ZFYVE28: variants seen among roughly 807,000 people sequenced by gnomAD.
ZFYVE28 encodes the protein lateral signaling target protein 2 homolog.
Under a neutral mutation model 82.1 loss-of-function variants are expected in ZFYVE28, and 40 were observed. The ratio of observed to expected loss-of-function variants is 0.49; its 90% CI spans 0.38 to 0.63. The LOEUF (loss-of-function observed/expected upper bound fraction) is 0.63, where lower values mean the gene tolerates loss of function less well. Ranked by LOEUF, ZFYVE28 falls within the 30% of genes least tolerant of loss-of-function variation. The pLI is 0.00. For synonymous variants in ZFYVE28, 612 were observed against 546.1 expected (o/e 1.12, Z -1.68); for missense variants, 1,321 against 1,242.1 (o/e 1.06, Z -0.96).
rs747613925 is a variant in ZFYVE28 at position 2,341,501 on chromosome 4, C to T, written c.295G>A (p.Gly99Ser). The T allele has an allele frequency of 1.7e-5, 28 of 1,613,578 alleles. No individual in the cohort carries two copies. The highest frequency in any genetic ancestry group is 3.3e-5 in the Admixed American group (2 of 59,998). ...ACCTCGGCACCGAACCACAGCTGGC[C>T]GGCCAGGTTGTCGTGCCGGATCTCC... is the stretch of plus-strand genomic sequence containing the variant. Reference protein sequence around the residue: ...PEEIRHDNLAGQLWFGAECLA... With the variant: ...PEEIRHDNLASQLWFGAECLA... Residue 99 changes from glycine to serine, a missense_variant, in exon 3 of 13, where the codon GGC (glycine) becomes AGC (serine). Gly to Ser is a moderately conservative substitution (Grantham distance 56, BLOSUM62 0). Transcript: ENST00000290974. The surrounding 1 kb of genome is among the most constrained non-coding windows in gnomAD (Gnocchi z 4.5).
chr4:2,308,032 T>G (rs2108826758), intron 7 of ZFYVE28, among the ~76,000 whole-genome samples: 1 of 152,342 alleles, frequency 6.6e-6, no homozygotes, highest in Admixed American at 6.5e-5. Flanking sequence ...GACTTTCTGT[T>G]CTATTGAATG....
intron 8 of ZFYVE28, among the ~76,000 whole-genome samples, chr4:2,296,845 G>A (rs942038506): frequency 5.9e-5 from 9 of 152,188 alleles, no homozygotes; most frequent in African/African-American, 1.2e-4. Flanking sequence ...CCCCGGATCC[G>A]GAGAGCCCCC....
At chr4:2,315,488 G>A (rs1197023007) in intron 7 of ZFYVE28, among the ~76,000 whole-genome samples, 4 of 152,114 alleles carry the variant, frequency 2.6e-5, no homozygotes, top group Admixed American at 1.3e-4. Context: ...CGGCCAGGCT[G>A]GTCTCCAACT....
chr4:2,408,530 C>A lies in ZFYVE28; in HGVS notation c.39+9755G>T, dbSNP rs916687744. Among the ~76,000 whole-genome samples the A allele has an allele frequency of 9.8e-5, 15 of 152,330 alleles. No individual in the cohort carries two copies. The highest frequency in any genetic ancestry group is 3.1e-4 in the African/African-American group (13 of 41,572). The stretch of plus-strand genomic sequence containing the variant: ...GCACCAGCCGGGGTGGACCAAAGGC[C>A]GCAGATGGTTCAGCTGGCTGACCCT... On this transcript the variant is annotated intron_variant, in intron 1 of 12. Coordinates refer to ENST00000290974, the MANE Select transcript of ZFYVE28 (RefSeq NM_020972.3). This position sits in a 1 kb window ranked among gnomAD's most constrained non-coding sequence, Gnocchi z 4.3.
In ZFYVE28 at chr4:2,341,592, G is replaced by A. The variant is rs1722815114; in HGVS notation, c.204C>T (p.Asn68=). The change falls in exon 3 of 13, where the codon AAC becomes AAT. Residue 68 remains asparagine (N), a synonymous_variant. Transcript: ENST00000290974. The surrounding 1 kb of genome is among the most constrained non-coding windows in gnomAD (Gnocchi z 4.5). ...SCQDNVLNII[N]QIMDECIPQD... Reference sequence around the variant, plus strand: ...GGGGGATGCACTCATCCATGATCTGGTTAATGATGTTCAACACATTGTCCT... The same window carrying A: ...GGGGGATGCACTCATCCATGATCTGATTAATGATGTTCAACACATTGTCCT... The A allele has an allele frequency of 6.2e-7, 1 of 1,612,236 alleles. No homozygotes were observed. Among genetic ancestry groups the A allele is most frequent in the Non-Finnish European group, 8.5e-7 (1 of 1,178,494 alleles).
At chr4:2,400,746 C>T (rs1378238637) in intron 1 of ZFYVE28, among the ~76,000 whole-genome samples, 1 of 152,092 alleles carries the variant, frequency 6.6e-6, no homozygotes, top group Non-Finnish European at 1.5e-5. Flanking sequence ...CCGGTCTCGC[C>T]CTTTCACGTT....
chr4:2,406,404 C>T (rs192137070), intron 1 of ZFYVE28: 92 of 152,290 alleles, frequency 6.0e-4, no homozygotes, highest in Middle Eastern at 3.4e-3. Context: ...TGAGAAGGGG[C>T]TGCCCGAGAG....
chr4:2,380,791 G>GT (rs1194606945), intron 1 of ZFYVE28, among the ~76,000 whole-genome samples: 1 of 152,334 alleles, frequency 6.6e-6, no homozygotes, highest in East Asian at 1.9e-4. Flanking sequence ...CCACTGCCAT[G>GT]TAAGAAGTGC....
chr4:2,369,837 T>TTTTTTATTTTATTTTATTTA (rs1560296823), intron 1 of ZFYVE28, among the ~76,000 whole-genome samples: 5 of 111,390 alleles, frequency 4.5e-5, no homozygotes, highest in African/African-American at 1.6e-4. Context: ...GAAGGGATTT[T>TTTTTTATTTTATTTTATTTA]TTTTTTTCTT....
intron 1 of ZFYVE28, among the ~76,000 whole-genome samples, chr4:2,390,098 G>C (rs1729674859): frequency 6.6e-6 from 1 of 152,232 alleles, no homozygotes. Context: ...TGAATTATCT[G>C]AGAGGGCATG....
chr4:2,330,576 A>T, intron 6 of ZFYVE28: 1 of 1,219,920 alleles, frequency 8.2e-7, no homozygotes, highest in Non-Finnish European at 1.0e-6. Context: ...ATGGGATAGC[A>T]TGGAGAATGG....
rs1039791904 is a variant in ZFYVE28, at chr4:2,332,268, C to T, written c.701+3437G>A. On this transcript the variant is annotated intron_variant, in intron 6 of 12. Coordinates refer to ENST00000290974, the MANE Select transcript of ZFYVE28 (RefSeq NM_020972.3). The surrounding 1 kb of genome is among the most constrained non-coding windows in gnomAD (Gnocchi z 4.7). ...CCCACTTCACAGAGGCAGGATCCTG[C>T]GAGGGTGTGGGCCCAGGAATGCAGG... 2.6e-5 allele frequency among the ~76,000 whole-genome samples: 4 copies of T among 152,112 alleles called. No individual in the cohort carries two copies. Among genetic ancestry groups the T allele is most frequent in the Non-Finnish European group, 4.4e-5 (3 of 68,002 alleles).
intron 1 of ZFYVE28, among the ~76,000 whole-genome samples, chr4:2,414,655 AAC>A (rs1484380786): frequency 6.6e-6 from 1 of 152,214 alleles, no homozygotes; most frequent in African/African-American, 2.4e-5. Context: ...AAAGATGGAA[AAC>A]ACAAATTCAT....
intron 1 of ZFYVE28, among the ~76,000 whole-genome samples, chr4:2,410,171 C>T (rs1732365372): frequency 1.3e-5 from 2 of 152,284 alleles, no homozygotes; most frequent in African/African-American, 2.4e-5. Context: ...GCATTTACTG[C>T]GTTCACAATG....
At chr4:2,273,033 G>C in intron 10 of ZFYVE28, 140 bp downstream of exon 10, 1 of 705,396 alleles carries the variant, frequency 1.4e-6, no homozygotes, top group East Asian at 2.6e-5. Context: ...AGAGGTCAGG[G>C]GATCCTGGGG....
At position 2,401,496 on chromosome 4, in the gene ZFYVE28, C is replaced by T. The variant is rs142292042; in HGVS notation, c.39+16789G>A. Among the ~76,000 whole-genome samples the T allele has an allele frequency of 5.0e-3, 762 of 152,312 alleles. 7 individuals are homozygous for T. The highest frequency in any genetic ancestry group is 0.018 in the African/African-American group (732 of 41,576). ...CAGCACTCAGAAGCTGTCCTAACCA[C>T]AGGGTGCTTTCACTCTGACACCAGA... On this transcript the variant is annotated intron_variant, in intron 1 of 12. Transcript: ENST00000290974.
chr4:2,346,881 A>C (rs1435854120), intron 2 of ZFYVE28, among the ~76,000 whole-genome samples: 2 of 152,186 alleles, frequency 1.3e-5, no homozygotes, highest in Non-Finnish European at 2.9e-5. Flanking sequence ...GAATAAAGAA[A>C]AGATGGGACA....
intron 8 of ZFYVE28, among the ~76,000 whole-genome samples, chr4:2,285,122 C>T (rs567226705): frequency 6.6e-6 from 1 of 152,328 alleles, no homozygotes; most frequent in Non-Finnish European, 1.5e-5. Flanking sequence ...CAGGCCCACA[C>T]CTGGGCAGAA....
intron 8 of ZFYVE28, among the ~76,000 whole-genome samples, chr4:2,302,421 A>C (rs1425293629): frequency 2.6e-5 from 4 of 152,254 alleles, no homozygotes; most frequent in Non-Finnish European, 4.4e-5. Context: ...CAGTGGCCTT[A>C]GAGACATCAG....
Sources: gnomAD v4.1 joint callset for allele counts (sites outside exome capture counted in the v4.1 genomes callset) on GRCh38, gnomAD v4.1.1 for gene constraint, Gnocchi (gnomAD v3.1) non-coding constraint, MANE v1.5 for transcripts, NCBI Gene and HGNC (gene_info 2026-07-23, HGNC 2026-07-21) for gene names.